BCO1: variants seen among roughly 807,000 people sequenced by gnomAD.
BCO1 encodes beta,beta-carotene 15,15'-dioxygenase.
A neutral mutation model predicts 56.3 loss-of-function variants in BCO1; 54 were observed. That is an observed-to-expected ratio of 0.96 (90% confidence interval 0.77 to 1.20). The LOEUF is 1.20. Ranked by LOEUF, BCO1 falls within the 50% of genes most tolerant of loss-of-function variation. The pLI, the probability that BCO1 is intolerant of heterozygous loss-of-function variation, is 0.00. For missense variants in BCO1, 801 were observed against 690.9 expected, an observed-to-expected ratio of 1.16 and a Z score of -1.79; for synonymous variants, 318 against 266.1, an observed-to-expected ratio of 1.20 and a Z score of -1.90.
In BCO1 at chr16:81,268,000, A is replaced by G; in HGVS notation, c.712A>G (p.Ser238Gly). The part of the protein sequence containing the change: ...RSLLSPSYYH[S>G]FGVTENYVIF... ...CCTGCTCTCCCCAAGCTACTACCACAGCTTTGGAGTCACCGAGAACTATGT... is the reference window on the plus strand; with the variant it reads ...CCTGCTCTCCCCAAGCTACTACCACGGCTTTGGAGTCACCGAGAACTATGT... The change falls in exon 6 of 11, where the codon AGC (serine) becomes GGC (glycine). Residue 238 changes from serine (S) to glycine (G), a missense_variant. By Grantham distance (56) the Ser-to-Gly change is moderately conservative. Coordinates refer to ENST00000258168, the MANE Select transcript of BCO1 (RefSeq NM_017429.3). The G allele has an allele frequency of 1.2e-6, 2 of 1,613,890 alleles. No homozygotes were observed. The highest frequency in any genetic ancestry group is 1.3e-5 in the African/African-American group (1 of 74,968).
chr16:81,283,323 C>A (rs1320009620), intron 8 of BCO1, among the ~76,000 whole-genome samples: 3 of 151,970 alleles, frequency 2.0e-5, no homozygotes, highest in African/African-American at 7.3e-5. Context: ...ACAGGCATTA[C>A]TCATGCCTGT....
At chr16:81,273,387 C>A (rs1907358625) in intron 7 of BCO1, among the ~76,000 whole-genome samples, 1 of 152,160 alleles carries the variant, frequency 6.6e-6, no homozygotes, top group Non-Finnish European at 1.5e-5. Context: ...TGGCACTCTG[C>A]AGGCCTGGCA....
At chr16:81,273,667 A>C (rs1907379206) in intron 7 of BCO1, among the ~76,000 whole-genome samples, 5 of 144,840 alleles carry the variant, frequency 3.5e-5, no homozygotes, top group African/African-American at 7.7e-5. Flanking sequence ...CAATCAATTC[A>C]CTCTCTACTT....
rs750046866 is a variant in BCO1, at chr16:81,287,423, C to A, written c.1414+17C>A. The stretch of plus-strand genomic sequence containing the variant: ...AGGATGACGGTAAGACTCTAAGAAG[C>A]CACGCCTAGTTGCTGCACGTTACTG... On this transcript the variant is annotated intron_variant, in intron 10 of 10. Transcript: ENST00000258168. 1.3e-6 allele frequency: 2 copies of A among 1,596,192 alleles called. No individual in the cohort carries two copies. Among genetic ancestry groups the A allele is most frequent in the Non-Finnish European group, 1.7e-6 (2 of 1,164,432 alleles).
At chr16:81,254,334 A>G (rs1171774640) in intron 2 of BCO1, among the ~76,000 whole-genome samples, 3 of 94,762 alleles carry the variant, frequency 3.2e-5, no homozygotes, top group Non-Finnish European at 5.8e-5. Flanking sequence ...TATTTTTAGT[A>G]GAGACAGGGT....
At chr16:81,247,567 C>T (rs575111311) in intron 2 of BCO1, among the ~76,000 whole-genome samples, 2 of 151,736 alleles carry the variant, frequency 1.3e-5, no homozygotes, top group South Asian at 4.2e-4. Flanking sequence ...GCTCTTGTTG[C>T]CCAGGCTGGT....
At chr16:81,284,054 G>T (rs1908028145) in intron 8 of BCO1, among the ~76,000 whole-genome samples, 1 of 151,194 alleles carries the variant, frequency 6.6e-6, no homozygotes, top group Non-Finnish European at 1.5e-5. Flanking sequence ...GTAGCCGGAT[G>T]TGGTGGCACG....
At position 81,260,839 on chromosome 16, in the gene BCO1, T is replaced by G. The variant is rs115051398; in HGVS notation, c.323+1034T>G. On this transcript the variant is annotated intron_variant, in intron 3 of 10. Transcript: ENST00000258168. ...ATACATTTTAAATCATCTGGATTAG[T>G]ATCCATATGAATGTGTTACATATCT... Among the ~76,000 whole-genome samples, 1,115 of 152,350 alleles carry G rather than the reference T, an allele frequency of 7.3e-3. 13 individuals carry two copies. Among genetic ancestry groups the G allele is most frequent in the African/African-American group, 0.025 (1,031 of 41,574 alleles).
intron 2 of BCO1, among the ~76,000 whole-genome samples, chr16:81,246,861 AAAAAAAAG>A (rs977798638): frequency 3.3e-5 from 5 of 151,152 alleles, no homozygotes; most frequent in African/African-American, 7.3e-5. Flanking sequence ...AAAAAAAAAA[AAAAAAAAG>A]AAGAGTACAG....
At chr16:81,285,983 G>A (rs942861045) in intron 9 of BCO1, among the ~76,000 whole-genome samples, 36 of 152,128 alleles carry the variant, frequency 2.4e-4, no homozygotes, top group African/African-American at 7.5e-4. Flanking sequence ...CCAGCAGAGA[G>A]GGTGTAGCTG....
rs143003259 is a variant in BCO1, at chr16:81,267,970, C to A, written c.682C>A (p.Arg228Ser). 6.2e-7 allele frequency: 1 copy of A among 1,613,946 alleles called. No homozygotes were observed. The highest frequency in any genetic ancestry group is 1.1e-5 in the South Asian group (1 of 91,054). ...HTEVFCSIPS[R>S]SLLSPSYYHS... is the part of the protein sequence containing the mutation. ...AGAGGTGTTCTGCTCCATCCCATCCCGCTCCCTGCTCTCCCCAAGCTACTA... is the reference window on the plus strand; with the variant it reads ...AGAGGTGTTCTGCTCCATCCCATCCAGCTCCCTGCTCTCCCCAAGCTACTA... The change falls in exon 6 of 11, where the codon CGC becomes AGC. Residue 228 changes from arginine (R) to serine (S), a missense_variant. Coordinates refer to ENST00000258168, the MANE Select transcript of BCO1 (RefSeq NM_017429.3).
chr16:81,255,498 T>A (rs186226372), intron 2 of BCO1, among the ~76,000 whole-genome samples: 29 of 151,202 alleles, frequency 1.9e-4, no homozygotes, highest in Non-Finnish European at 3.1e-4. Context: ...ATGTTATTTT[T>A]TTTTATTTTT....
At chr16:81,250,906 A>G (rs1457042493) in intron 2 of BCO1, among the ~76,000 whole-genome samples, 1 of 152,106 alleles carries the variant, frequency 6.6e-6, no homozygotes, top group Non-Finnish European at 1.5e-5. Context: ...GAATCCTGAA[A>G]GCTGCACAGG....
At chr16:81,245,289 G>A (rs1315944229) in intron 1 of BCO1, among the ~76,000 whole-genome samples, 186 bp from the exon 2 acceptor site, 1 of 152,096 alleles carries the variant, frequency 6.6e-6, no homozygotes, top group Non-Finnish European at 1.5e-5. Flanking sequence ...TCTCCATCTT[G>A]GTATCCTCAG....
At chr16:81,270,501 A>G (rs949088297) in intron 7 of BCO1, 85 bp downstream of exon 7, 4 of 1,558,418 alleles carry the variant, frequency 2.6e-6, no homozygotes, top group Non-Finnish European at 2.6e-6. Context: ...TTTGATTGAC[A>G]TTGAAATCCA....
chr16:81,272,114 T>A (rs968164102), intron 7 of BCO1, among the ~76,000 whole-genome samples: 2 of 32,416 alleles, frequency 6.2e-5, no homozygotes, highest in Non-Finnish European at 5.3e-5. Flanking sequence ...CTTTTCTTTC[T>A]TTTTTTTTTT....
At chr16:81,255,583 T>G (rs1439417302) in intron 2 of BCO1, among the ~76,000 whole-genome samples, 5 of 151,714 alleles carry the variant, frequency 3.3e-5, no homozygotes, top group Admixed American at 6.6e-5. Flanking sequence ...CACTGCAACC[T>G]CTGCCTCCTG....
At chr16:81,240,592 C>G (rs1905065621) in intron 1 of BCO1, among the ~76,000 whole-genome samples, 1 of 151,846 alleles carries the variant, frequency 6.6e-6, no homozygotes. Context: ...GTAGTCCCAG[C>G]TACTCAGGAG....
intron 7 of BCO1, among the ~76,000 whole-genome samples, chr16:81,275,258 T>C (rs1411122874): frequency 1.3e-5 from 2 of 152,246 alleles, no homozygotes; most frequent in South Asian, 2.1e-4. Flanking sequence ...CCTCCTGGGC[T>C]GACACTCCTG....
Sources: allele counts gnomAD v4.1 joint callset (sites outside exome capture counted in the v4.1 genomes callset), GRCh38; gene constraint gnomAD v4.1.1; transcripts MANE v1.5; gene names NCBI Gene and HGNC (gene_info 2026-07-23, HGNC 2026-07-21).